KTN1: variants seen among roughly 807,000 people sequenced by gnomAD.
The protein encoded by KTN1 is kinectin 1, also known as kinectin.
In KTN1, 130 loss-of-function variants were observed where a neutral mutation model predicts 222.5. That is an observed-to-expected ratio of 0.58 (90% CI 0.51 to 0.68). The LOEUF (loss-of-function observed/expected upper bound fraction) is 0.68. Ranked by LOEUF, KTN1 falls within the 30% of genes least tolerant of loss-of-function variation. The probability of loss-of-function intolerance (pLI) is 0.00; values close to 1 mark genes in which losing one functional copy is unlikely to be tolerated. For missense variants in KTN1, 1,508 were observed against 1,500.4 expected (o/e 1.01, Z -0.08); for synonymous variants, 512 against 496.3 (o/e 1.03, Z -0.42).
intron 34 of KTN1, 94 bp from the exon 35 acceptor site, chr14:55,670,625 TTCTTTTATAA>T: frequency 1.4e-6 from 1 of 728,694 alleles, no homozygotes; most frequent in South Asian, 2.1e-5. Context: ...CTGTGTAGGT[TTCTTTTATAA>T]TTATCTAATT....
intron 41 of KTN1, among the ~76,000 whole-genome samples, chr14:55,677,207 G>T (rs1245463180): frequency 6.6e-6 from 1 of 152,156 alleles, no homozygotes; most frequent in Non-Finnish European, 1.5e-5. Flanking sequence ...TGGGCATGGT[G>T]GCTCACGCCT....
chr14:55,588,626 A>G (rs904953219), intron 1 of KTN1, among the ~76,000 whole-genome samples: 2 of 152,180 alleles, frequency 1.3e-5, no homozygotes, highest in African/African-American at 4.8e-5. Context: ...AGTAATACCA[A>G]CAGGAGGTGG....
At chr14:55,605,968 T>A (rs545363883) in intron 1 of KTN1, among the ~76,000 whole-genome samples, 200 of 152,182 alleles carry the variant, frequency 1.3e-3, no homozygotes, top group African/African-American at 4.6e-3. Context: ...TAAAAAAAAA[T>A]AAGATAGTAA....
At chr14:55,595,508 T>A (rs1195712039) in intron 1 of KTN1, among the ~76,000 whole-genome samples, 1 of 152,200 alleles carries the variant, frequency 6.6e-6, no homozygotes, top group African/African-American at 2.4e-5. Flanking sequence ...AACCTTTAAT[T>A]GGTTTGCCCT....
chr14:55,590,953 C>T (rs761759104), intron 1 of KTN1, among the ~76,000 whole-genome samples: 2 of 152,206 alleles, frequency 1.3e-5, no homozygotes, highest in Admixed American at 6.5e-5. Context: ...GGATTACAGG[C>T]ATGAGCCACC....
rs375855054 is a variant in KTN1, at chr14:55,628,316, G to A, written c.1080+288G>A. On this transcript the variant is annotated intron_variant, in intron 6 of 43. Coordinates refer to ENST00000395314, the MANE Select transcript of KTN1 (RefSeq NM_001079521.2). ...ATTTGTTTTAATTGGATCTGACCTA[G>A]ATCTGTTCTCAATAGAAACACAGAA... is the stretch of plus-strand genomic sequence containing the variant. Among the ~76,000 whole-genome samples, 79 of 152,296 alleles carry A rather than the reference G, an allele frequency of 5.2e-4. 1 individual carries two copies. Among genetic ancestry groups the A allele is most frequent in the South Asian group, 1.2e-3 (6 of 4,822 alleles).
intron 4 of KTN1, 131 bp from the exon 5 acceptor site, chr14:55,619,051 G>A: frequency 1.6e-6 from 1 of 643,312 alleles, no homozygotes; most frequent in Middle Eastern, 4.3e-4. Context: ...TATTTAACCT[G>A]AAGTATATAT....
chr14:55,611,882 A>G (rs929773159), intron 1 of KTN1, 137 bp from the exon 2 acceptor site: 1 of 385,432 alleles, frequency 2.6e-6, no homozygotes, highest in Non-Finnish European at 4.6e-6. Context: ...AATGTGATTT[A>G]AAGAACTAAC....
chr14:55,601,455 A>T (rs1417418439), intron 1 of KTN1, among the ~76,000 whole-genome samples: 1 of 152,166 alleles, frequency 6.6e-6, no homozygotes, highest in African/African-American at 2.4e-5. Context: ...ATTTTAAAAG[A>T]TAATTGTATA....
intron 33 of KTN1, among the ~76,000 whole-genome samples, chr14:55,666,406 A>G (rs2044745862): frequency 6.7e-6 from 1 of 148,640 alleles, no homozygotes; most frequent in Non-Finnish European, 1.5e-5. Flanking sequence ...TTAGATGTGC[A>G]TTTTTATAGG....
chr14:55,671,535 A>G (rs371729523), intron 35 of KTN1, 31 bp from the exon 36 acceptor site: 13 of 1,516,818 alleles, frequency 8.6e-6, no homozygotes, highest in Admixed American at 1.9e-5. Context: ...TGGTAGAATT[A>G]TGGAGTTTTT....
chr14:55,680,491 T>C (rs2141418436), intron 43 of KTN1: 1 of 389,912 alleles, frequency 2.6e-6, no homozygotes, highest in Non-Finnish European at 5.2e-6. Flanking sequence ...TATTCTTCTT[T>C]TGAAGATATT....
chr14:55,581,369 T>C (rs1213902306), intron 1 of KTN1, among the ~76,000 whole-genome samples: 1 of 152,240 alleles, frequency 6.6e-6, no homozygotes, highest in East Asian at 1.9e-4. Context: ...CAGAACTGTG[T>C]TGGCAAACGG....
chr14:55,663,906 A>G (rs754360730), intron 32 of KTN1, 49 bp from the exon 33 acceptor site: 1 of 1,441,180 alleles, frequency 6.9e-7, no homozygotes, highest in South Asian at 1.2e-5. Context: ...AAAAGCAAAA[A>G]TCTTTCAATA....
chr14:55,663,882 T>C, intron 32 of KTN1, 73 bp from the exon 33 acceptor site: 1 of 1,039,108 alleles, frequency 9.6e-7, no homozygotes, highest in Non-Finnish European at 1.5e-6. Flanking sequence ...CAGTGCAAAA[T>C]ACTGATGAAG....
intron 37 of KTN1, 124 bp from the exon 38 acceptor site, chr14:55,672,506 C>G: frequency 1.7e-6 from 1 of 581,736 alleles, no homozygotes; most frequent in Non-Finnish European, 3.1e-6. Context: ...TAAAATTCAT[C>G]TCTTTTAAAT....
At chr14:55,642,173 C>T (rs1203192793) in intron 18 of KTN1, among the ~76,000 whole-genome samples, 2 of 152,086 alleles carry the variant, frequency 1.3e-5, no homozygotes, top group Non-Finnish European at 2.9e-5. Context: ...TGTGACACCT[C>T]TCATTCCAAG....
intron 24 of KTN1, 39 bp downstream of exon 24, chr14:55,650,676 T>G: frequency 6.9e-7 from 1 of 1,450,414 alleles, no homozygotes; most frequent in Non-Finnish European, 9.6e-7. Context: ...GATTTATTAG[T>G]TGTGTTATTT....
chr14:55,650,595 A>C lies in KTN1; in HGVS notation c.2523A>C (p.Leu841=), dbSNP rs201921929. The change falls in exon 24 of 44, where the codon CTA becomes CTC. Residue 841 remains leucine, a synonymous_variant. Coordinates refer to ENST00000395314, the MANE Select transcript of KTN1 (RefSeq NM_001079521.2). The part of the protein sequence containing the change: ...VQDLKQEIKA[L]KEEIGNVQLE... ...ATTTGAAACAGGAAATAAAGGCTCT[A>C]AAAGAAGAAATAGGAAATGTCCAGC... is the stretch of plus-strand genomic sequence containing the variant. 14 of 1,612,470 alleles carry C rather than the reference A, an allele frequency of 8.7e-6. No homozygotes were observed. The highest frequency in any genetic ancestry group is 1.2e-5 in the Non-Finnish European group (14 of 1,178,754).
Sources: allele counts gnomAD v4.1 joint callset (sites outside exome capture counted in the v4.1 genomes callset), GRCh38; gene constraint gnomAD v4.1.1; transcripts MANE v1.5; gene names NCBI Gene and HGNC (gene_info 2026-07-23, HGNC 2026-07-21).